EDC3: variants seen among roughly 807,000 people sequenced by gnomAD.
EDC3 encodes the protein enhancer of mRNA-decapping protein 3.
In EDC3, 20 loss-of-function variants were observed where a neutral mutation model predicts 41.8. The ratio of observed to expected loss-of-function variants is 0.48; its 90% CI spans 0.34 to 0.70. The LOEUF (loss-of-function observed/expected upper bound fraction) is 0.70. Ranked by LOEUF, EDC3 falls within the 30% of genes least tolerant of loss-of-function variation. The pLI is 0.01. For synonymous variants in EDC3, 206 were observed against 243.2 expected (o/e 0.85, Z 1.42); for missense variants, 444 against 636.8 (o/e 0.70, Z 3.26).
At chr15:74,656,237 A>G (rs1323222147) in intron 3 of EDC3, among the ~76,000 whole-genome samples, 169 bp from the exon 4 acceptor site, 1 of 152,160 alleles carries the variant, frequency 6.6e-6, no homozygotes, top group Non-Finnish European at 1.5e-5. Flanking sequence ...CTCATGTGCA[A>G]TAATAGGTTT....
At chr15:74,633,506 TG>T (rs2062237364) in intron 6 of EDC3, among the ~76,000 whole-genome samples, 2 of 152,326 alleles carry the variant, frequency 1.3e-5, no homozygotes, top group South Asian at 4.1e-4. Context: ...CTCACAGGAA[TG>T]GGTCCTCCAC....
At chr15:74,645,714 CA>C (rs745913868) in intron 4 of EDC3, among the ~76,000 whole-genome samples, 4,633 of 99,594 alleles carry the variant, frequency 0.047, 158 homozygotes, top group African/African-American at 0.12. Flanking sequence ...ACTAAAAATA[CA>C]AAAAAAAAAA....
chr15:74,672,785 A>G (rs1483307354), intron 2 of EDC3, among the ~76,000 whole-genome samples: 1 of 152,094 alleles, frequency 6.6e-6, no homozygotes, highest in East Asian at 1.9e-4. Context: ...ACTGCACTCC[A>G]GCCTGGGCAA....
At chr15:74,655,532 A>G (rs940543523) in intron 4 of EDC3, among the ~76,000 whole-genome samples, 1 of 152,204 alleles carries the variant, frequency 6.6e-6, no homozygotes, top group African/African-American at 2.4e-5. Context: ...ATACACAGAC[A>G]TCTACAGAAA....
rs145923939 is a variant in EDC3 at position 74,668,897 on chromosome 15, T to C, written c.484+2558A>G. On this transcript the variant is annotated intron_variant, in intron 3 of 6. Transcript: ENST00000315127. ...CGTCATTTCAGATAGTTGTTTCATATGCACCAAAGGAAACTACCTTGAAAC... is the reference window on the plus strand; with the variant it reads ...CGTCATTTCAGATAGTTGTTTCATACGCACCAAAGGAAACTACCTTGAAAC... Among the ~76,000 whole-genome samples the C allele has an allele frequency of 7.0e-3, 1,060 of 152,320 alleles. 4 individuals are homozygous for C. The highest frequency in any genetic ancestry group is 0.014 in the Non-Finnish European group (919 of 68,014).
At chr15:74,634,593 A>G (rs956114985) in intron 6 of EDC3, among the ~76,000 whole-genome samples, 2 of 152,092 alleles carry the variant, frequency 1.3e-5, no homozygotes, top group African/African-American at 4.8e-5. Flanking sequence ...TTCCCATCTC[A>G]GTGATCGCAC....
chr15:74,649,271 G>A lies in EDC3; in HGVS notation c.820+6462C>T, dbSNP rs139990929. Among the ~76,000 whole-genome samples, 314 of 151,178 alleles carry A rather than the reference G, an allele frequency of 2.1e-3. 1 individual carries two copies. Among genetic ancestry groups the A allele is most frequent in the African/African-American group, 7.2e-3 (298 of 41,156 alleles). ...TTTTTAGTAGAGACGGGGTTTCACCGTGTTAGCACCCTGGCTAATTTTTTA... is the reference window on the plus strand; with the variant it reads ...TTTTTAGTAGAGACGGGGTTTCACCATGTTAGCACCCTGGCTAATTTTTTA... On this transcript the variant is annotated intron_variant, in intron 4 of 6. Coordinates refer to ENST00000315127, the MANE Select transcript of EDC3 (RefSeq NM_025083.5).
intron 4 of EDC3, among the ~76,000 whole-genome samples, chr15:74,651,843 T>C (rs573709015): frequency 7.2e-4 from 109 of 152,190 alleles, no homozygotes; most frequent in Non-Finnish European, 1.2e-3. Context: ...AATATCTAAG[T>C]TGAAAATGCA....
In EDC3 at chr15:74,640,513, A is replaced by G. The variant is rs781594530; in HGVS notation, c.927T>C (p.Gly309=). 5 of 1,614,070 alleles carry G rather than the reference A, an allele frequency of 3.1e-6. No homozygotes were observed. In the East Asian group the frequency reaches 8.9e-5, roughly 29 times the overall value. ...TCAGTGCCATCTGACTGGCACACACACCTGTCATCTCCAGTCTCCGCTCAA... is the reference window on the plus strand; with the variant it reads ...TCAGTGCCATCTGACTGGCACACACGCCTGTCATCTCCAGTCTCCGCTCAA... ...LTLERRLEMT[G]VCASQMALTL... The change falls in exon 5 of 7, where the codon GGT becomes GGC. Residue 309 remains glycine (G), a synonymous_variant. Coordinates refer to ENST00000315127, the MANE Select transcript of EDC3 (RefSeq NM_025083.5).
chr15:74,679,250 T>C (rs1277631522), intron 1 of EDC3, among the ~76,000 whole-genome samples: 3 of 152,052 alleles, frequency 2.0e-5, no homozygotes, highest in African/African-American at 7.2e-5. Flanking sequence ...TCAATGTAGC[T>C]AGTATAACTC....
intron 3 of EDC3, among the ~76,000 whole-genome samples, chr15:74,663,669 A>G (rs1027640599): frequency 6.6e-6 from 1 of 151,358 alleles, no homozygotes; most frequent in African/African-American, 2.4e-5. Flanking sequence ...GAGAGAGTGC[A>G]GCATAGAAAG....
At chr15:74,663,951 A>G (rs919864567) in intron 3 of EDC3, among the ~76,000 whole-genome samples, 1 of 152,174 alleles carries the variant, frequency 6.6e-6, no homozygotes, top group African/African-American at 2.4e-5. Flanking sequence ...CTCTACAAAC[A>G]TAACTTACAA....
At chr15:74,675,671 G>A (rs191552061) in intron 1 of EDC3, among the ~76,000 whole-genome samples, 5 of 150,178 alleles carry the variant, frequency 3.3e-5, no homozygotes, top group East Asian at 2.0e-4. Flanking sequence ...ACGAGGTCAC[G>A]AGATCAAGAC....
At chr15:74,648,754 G>C (rs1430791066) in intron 4 of EDC3, among the ~76,000 whole-genome samples, 2 of 152,184 alleles carry the variant, frequency 1.3e-5, no homozygotes, top group Non-Finnish European at 2.9e-5. Context: ...AAGCTGCAGA[G>C]ATGCCTGCAC....
intron 1 of EDC3, among the ~76,000 whole-genome samples, chr15:74,683,473 C>T (rs1177756681): frequency 4.6e-5 from 7 of 152,070 alleles, no homozygotes; most frequent in Non-Finnish European, 8.8e-5. Flanking sequence ...AGGCGGAGGT[C>T]GCAGTGAGCT....
chr15:74,693,880 A>G (rs1350432966), intron 1 of EDC3, among the ~76,000 whole-genome samples: 1 of 152,042 alleles, frequency 6.6e-6, no homozygotes, highest in Non-Finnish European at 1.5e-5. Flanking sequence ...GGTACTTGGG[A>G]GGCTGAGGCA....
chr15:74,638,972 A>G (rs1233561866), intron 5 of EDC3: 2 of 151,638 alleles, frequency 1.3e-5, no homozygotes, highest in African/African-American at 4.9e-5. Flanking sequence ...AGAGACAGAC[A>G]AAGTCTCACT....
At chr15:74,664,237 T>C (rs1197399213) in intron 3 of EDC3, among the ~76,000 whole-genome samples, 2 of 152,240 alleles carry the variant, frequency 1.3e-5, no homozygotes, top group African/African-American at 4.8e-5. Context: ...AATACAAATA[T>C]TAGGAAGTCC....
At chr15:74,635,750 A>G in intron 5 of EDC3, 124 bp from the exon 6 acceptor site, 5 of 908,596 alleles carry the variant, frequency 5.5e-6, no homozygotes, top group Non-Finnish European at 4.9e-6. Context: ...ACCAAGTCCC[A>G]GGCTCCAGAG....
Sources: gnomAD v4.1 joint callset for allele counts (sites outside exome capture counted in the v4.1 genomes callset) on GRCh38, gnomAD v4.1.1 for gene constraint, MANE v1.5 for transcripts, NCBI Gene and HGNC (gene_info 2026-07-23, HGNC 2026-07-21) for gene names.